Variants in ZNF385D observed in about 807,000 individuals in gnomAD.
The protein encoded by ZNF385D is zinc finger protein 659.
In ZNF385D, 15 loss-of-function variants were observed where a neutral mutation model predicts 35.8. That is an observed-to-expected ratio of 0.42 (90% CI 0.28 to 0.64). ZNF385D has a LOEUF of 0.64. Among genes scored for constraint, ZNF385D ranks in the 30% least tolerant of loss-of-function variants. ZNF385D has a pLI of 0.23. For synonymous variants in ZNF385D, 212 were observed against 186.8 expected, an observed-to-expected ratio of 1.13 and a Z score of -1.10; for missense variants, 474 against 494.6, an observed-to-expected ratio of 0.96 and a Z score of 0.39.
At chr3:21,943,243 A>G (rs2125279248) in intron 3 of ZNF385D, among the ~76,000 whole-genome samples, 1 of 152,020 alleles carries the variant, frequency 6.6e-6, no homozygotes, top group East Asian at 1.9e-4. Context: ...AGTAAATACT[A>G]AATGGATATA....
At chr3:21,699,687 T>C (rs1197370640) in intron 1 of ZNF385D, among the ~76,000 whole-genome samples, 1 of 152,006 alleles carries the variant, frequency 6.6e-6, no homozygotes, top group African/African-American at 2.4e-5. Context: ...GTTGAAATAA[T>C]ACTTTTGATA....
chr3:22,042,016 G>A (rs1163223163), intron 3 of ZNF385D, among the ~76,000 whole-genome samples: 1 of 152,136 alleles, frequency 6.6e-6, no homozygotes, highest in African/African-American at 2.4e-5. Flanking sequence ...TTGGAAATGT[G>A]TTTTAATAGG....
At chr3:21,959,248 A>G (rs1658837059) in intron 3 of ZNF385D, among the ~76,000 whole-genome samples, 1 of 152,188 alleles carries the variant, frequency 6.6e-6, no homozygotes, top group African/African-American at 2.4e-5. Context: ...TGTAGTGCCT[A>G]CAACAGATAA....
At chr3:21,931,468 T>C (rs1412188876) in intron 3 of ZNF385D, among the ~76,000 whole-genome samples, 1 of 152,158 alleles carries the variant, frequency 6.6e-6, no homozygotes, top group Admixed American at 6.5e-5. Flanking sequence ...AAAACGTATG[T>C]CCACACAAAA....
intron 3 of ZNF385D, among the ~76,000 whole-genome samples, chr3:21,867,447 C>T (rs1182052897): frequency 6.6e-6 from 1 of 152,122 alleles, no homozygotes; most frequent in Non-Finnish European, 1.5e-5. Flanking sequence ...GATTTGGGAA[C>T]TGCTACTTTA....
chr3:22,214,932 C>G (rs901456524), intron 2 of ZNF385D, among the ~76,000 whole-genome samples: 2 of 152,054 alleles, frequency 1.3e-5, no homozygotes, highest in Admixed American at 1.3e-4. Flanking sequence ...ACACACCCTC[C>G]CCTTTTGAAA....
chr3:21,776,815 A>G (rs1435187091), intron 3 of ZNF385D, among the ~76,000 whole-genome samples: 2 of 151,984 alleles, frequency 1.3e-5, no homozygotes, highest in Non-Finnish European at 2.9e-5. Flanking sequence ...CCAGAACTCC[A>G]TGAGAAAGGC....
intron 3 of ZNF385D, among the ~76,000 whole-genome samples, chr3:22,126,685 T>A (rs1018302402): frequency 9.9e-5 from 15 of 152,164 alleles, no homozygotes; most frequent in Admixed American, 6.6e-4. Context: ...TCTGTAGATA[T>A]ATATTAGGTC....
At chr3:21,998,572 G>A (rs1695632598) in intron 3 of ZNF385D, among the ~76,000 whole-genome samples, 1 of 152,068 alleles carries the variant, frequency 6.6e-6, no homozygotes, top group African/African-American at 2.4e-5. Flanking sequence ...TTTAACTATT[G>A]TTTATACTTA....
At chr3:22,127,591 T>C (rs987531041) in intron 3 of ZNF385D, among the ~76,000 whole-genome samples, 2 of 151,874 alleles carry the variant, frequency 1.3e-5, no homozygotes, top group Non-Finnish European at 2.9e-5. Flanking sequence ...CTGCCCACCT[T>C]GGCCTCCCAA....
intron 2 of ZNF385D, among the ~76,000 whole-genome samples, chr3:22,237,224 A>T (rs570523220): frequency 6.6e-6 from 1 of 152,002 alleles, no homozygotes; most frequent in Admixed American, 6.6e-5. Flanking sequence ...CATTCTCTGT[A>T]GTATAAAGTA....
chr3:21,477,230 T>C (rs771754446), intron 4 of ZNF385D, among the ~76,000 whole-genome samples: 2 of 151,944 alleles, frequency 1.3e-5, no homozygotes, highest in Non-Finnish European at 2.9e-5. Context: ...AGACCATGTC[T>C]AAACTAAAAC....
intron 3 of ZNF385D, among the ~76,000 whole-genome samples, chr3:21,772,828 G>A (rs1338893869): frequency 4.6e-5 from 7 of 151,836 alleles, no homozygotes; most frequent in African/African-American, 1.2e-4. Context: ...ACAGATGACC[G>A]GATAACCAAA....
At chr3:22,024,906 G>C (rs539918451) in intron 3 of ZNF385D, among the ~76,000 whole-genome samples, 22 of 152,290 alleles carry the variant, frequency 1.4e-4, no homozygotes, top group Non-Finnish European at 3.1e-4. Flanking sequence ...TTCCCTGAGT[G>C]AGAGTTTTAT....
intron 4 of ZNF385D, among the ~76,000 whole-genome samples, chr3:21,500,358 G>A (rs1706268361): frequency 6.6e-6 from 1 of 152,112 alleles, no homozygotes; most frequent in South Asian, 2.1e-4. Flanking sequence ...CTAGTTGCTA[G>A]AATAAAGATG....
chr3:22,304,141 T>C (rs1447744172), intron 2 of ZNF385D, among the ~76,000 whole-genome samples: 1 of 152,226 alleles, frequency 6.6e-6, no homozygotes, highest in African/African-American at 2.4e-5. Flanking sequence ...CTTAGGTCTA[T>C]TGCATAGATC....
Position 21,438,056 on chromosome 3 carries a change from T to G in ZNF385D, c.440-853A>C, listed in dbSNP as rs2125237293. 2.6e-5 allele frequency among the ~76,000 whole-genome samples: 4 copies of G among 152,314 alleles called. No homozygotes were observed. In the South Asian group the frequency reaches 8.3e-4, roughly 32 times the overall value. On this transcript the variant is annotated intron_variant, in intron 4 of 7. Coordinates refer to ENST00000281523, the MANE Select transcript of ZNF385D (RefSeq NM_024697.3). ...CCCTTCTGGCTCTAAAGTCTGATGC[T>G]AAATCTGGAGAGATCAATCTCCAAA...
At chr3:22,278,014 C>A (rs890929038) in intron 2 of ZNF385D, among the ~76,000 whole-genome samples, 1 of 152,022 alleles carries the variant, frequency 6.6e-6, no homozygotes, top group Non-Finnish European at 1.5e-5. Context: ...AGTGCTCTCC[C>A]TTGCGCTCCC....
chr3:21,974,980 A>G (rs1417425806), intron 3 of ZNF385D, among the ~76,000 whole-genome samples: 2 of 152,222 alleles, frequency 1.3e-5, no homozygotes, highest in Admixed American at 1.3e-4. Flanking sequence ...AAATGAAATT[A>G]GTACAACCAC....
Sources: gnomAD v4.1 joint callset for allele counts (sites outside exome capture counted in the v4.1 genomes callset) on GRCh38, gnomAD v4.1.1 for gene constraint, MANE v1.5 for transcripts, NCBI Gene and HGNC (gene_info 2026-07-23, HGNC 2026-07-21) for gene names.